The following EGR3 variants were observed in gnomAD, a reference collection of about 807,000 sequenced individuals.
EGR3 encodes the protein early growth response 3.
A neutral mutation model predicts 22.4 loss-of-function variants in EGR3; 4 were observed. The ratio of observed to expected loss-of-function variants is 0.18; its 90% CI spans 0.09 to 0.41. EGR3 has a LOEUF of 0.41. Ranked by LOEUF, EGR3 falls within the 10% of genes least tolerant of loss-of-function variation. EGR3 has a pLI of 1.00. For missense variants in EGR3, 315 were observed against 541.3 expected (o/e 0.58, Z 4.15); for synonymous variants, 219 against 226.8 (o/e 0.97, Z 0.31).
At position 22,691,165 on chromosome 8, in the gene EGR3, C is replaced by A; in HGVS notation, c.472G>T (p.Val158Leu). ...SNCGDLYSEP[V>L]SFHDPQGNPG... Reference sequence around the variant, plus strand: ...TTGCCCTGGGGGTCGTGGAAAGACACGGGCTCTGAGTAGAGGTCGCCGCAG... The same window carrying A: ...TTGCCCTGGGGGTCGTGGAAAGACAAGGGCTCTGAGTAGAGGTCGCCGCAG... The change falls in exon 2 of 2, where the codon GTG becomes TTG. Residue 158 changes from valine (V) to leucine (L), a missense_variant. Physicochemically the swap from Val to Leu is conservative, Grantham distance 32. Transcript: ENST00000317216. 1 of 1,614,040 alleles carries A rather than the reference C, an allele frequency of 6.2e-7. No individual in the cohort carries two copies. The highest frequency in any genetic ancestry group is 1.1e-5 in the South Asian group (1 of 91,082).
rs1217339553 is a variant in EGR3, at chr8:22,692,228, C to G, written c.154+563G>C. The G allele has an allele frequency of 1.4e-6, 2 of 1,449,502 alleles. No homozygotes were observed. The highest frequency in any genetic ancestry group is 2.8e-5 in the East Asian group (1 of 35,362). The allele number at this position is 1,449,502 out of a possible 1,614,324, so 89.8% of individuals were successfully genotyped here. On this transcript the variant is annotated intron_variant, in intron 1 of 1. Coordinates refer to ENST00000317216, the MANE Select transcript of EGR3 (RefSeq NM_004430.3). This position sits in a 1 kb window ranked among gnomAD's most constrained non-coding sequence, Gnocchi z 6.2. ...GGCAGGCCCTCGCCCCGCGGGTGAA[C>G]CCCCTCCTTCTCCCCGCCGTCCCCA...
chr8:22,690,980 C>T lies in EGR3; in HGVS notation c.657G>A (p.Arg219=). 6.4e-7 allele frequency: 1 copy of T among 1,569,836 alleles called. No homozygotes were observed. The highest frequency in any genetic ancestry group is 8.7e-7 in the Non-Finnish European group (1 of 1,154,970). The part of the protein sequence containing the change: ...HKPFQGMDPI[R]VNPPPITPLE... The stretch of plus-strand genomic sequence containing the variant: ...GAGGGGTAATAGGGGGCGGGTTGAC[C>T]CGGATGGGGTCCATGCCCTGGAAGG... The change falls in exon 2 of 2, where the codon CGG becomes CGA. Residue 219 remains arginine, a synonymous_variant. Transcript: ENST00000317216.
At position 22,690,934 on chromosome 8, in the gene EGR3, T is replaced by G; in HGVS notation, c.703A>C (p.Lys235Gln). 6.4e-7 allele frequency: 1 copy of G among 1,567,130 alleles called. No homozygotes were observed. Among genetic ancestry groups the G allele is most frequent in the Non-Finnish European group, 8.7e-7 (1 of 1,154,464 alleles). Residue 235 changes from lysine (K) to glutamine (Q), a missense_variant, in exon 2 of 2, where the codon AAA becomes CAA. Lys to Gln is a moderately conservative substitution (Grantham distance 53, BLOSUM62 1). Coordinates refer to ENST00000317216, the MANE Select transcript of EGR3 (RefSeq NM_004430.3). ...ITPLETIKAF[K>Q]DKQIHPGFGS... ...AAGCCCGGGTGGATCTGCTTGTCTT[T>G]GAATGCCTTGATGGTCTCCAGAGGG...
At position 22,693,412 on chromosome 8, in the gene EGR3, G is replaced by A; in HGVS notation, c.-468C>T. On this transcript the variant is annotated 5_prime_UTR_variant, in exon 1 of 2. Transcript: ENST00000317216. ...CGCCGCCGCCGCCTCTGCCGCCGCT[G>A]CCGCCGCTGCTACCACCACCACCAG... The A allele has an allele frequency of 6.0e-6, 1 of 166,848 alleles. No individual in the cohort carries two copies. The highest frequency in any genetic ancestry group is 1.2e-5 in the Non-Finnish European group (1 of 81,496). 10.3% of individuals were successfully genotyped at this position (166,848 alleles called of 1,614,324 possible). A position where few individuals can be genotyped will look rare whatever the true frequency, so the allele number is the denominator to read the frequency against.
In EGR3 at chr8:22,692,173, C is replaced by T; in HGVS notation, c.154+618G>A. The T allele has an allele frequency of 1.4e-6, 2 of 1,380,094 alleles. No individual in the cohort carries two copies. Among genetic ancestry groups the T allele is most frequent in the Non-Finnish European group, 1.9e-6 (2 of 1,071,524 alleles). 85.5% of individuals were successfully genotyped at this position (1,380,094 alleles called of 1,614,324 possible). On this transcript the variant is annotated intron_variant, in intron 1 of 1. Coordinates refer to ENST00000317216, the MANE Select transcript of EGR3 (RefSeq NM_004430.3). This position sits in a 1 kb window ranked among gnomAD's most constrained non-coding sequence, Gnocchi z 6.2. ...CATGGCGGGAGAGGCCGCCCTTCCC[C>T]AGCTCCCCGGCCCCGGGATCGTTCC...
chr8:22,691,663 G>C (rs1803964819), intron 1 of EGR3, 181 bp from the exon 2 acceptor site: 2 of 977,520 alleles, frequency 2.0e-6, no homozygotes, highest in South Asian at 9.5e-5. Flanking sequence ...GCGCAACCTG[G>C]ATATAGCAAA....
In EGR3 at chr8:22,693,271, C is replaced by T. The variant is rs1440930221; in HGVS notation, c.-327G>A. On this transcript the variant is annotated 5_prime_UTR_variant, in exon 1 of 2. Transcript: ENST00000317216. ...GCTGGGCTGGGGGGGGATCTCGGCT[C>T]AAGGGGGTCGGACGCGGCCTCAGTA... 1 of 166,002 alleles carries T rather than the reference C, an allele frequency of 6.0e-6. No individual in the cohort carries two copies. The highest frequency in any genetic ancestry group is 2.7e-5 in the African/African-American group (1 of 37,500). The allele number at this position is 166,002 out of a possible 1,614,324, so 10.3% of individuals were successfully genotyped here. A position where few individuals can be genotyped will look rare whatever the true frequency, so the allele number is the denominator to read the frequency against.
intron 1 of EGR3, 90 bp from the exon 2 acceptor site, chr8:22,691,572 G>T: frequency 7.2e-6 from 11 of 1,526,152 alleles, no homozygotes; most frequent in Non-Finnish European, 9.7e-6. Flanking sequence ...GGTGCGGAGG[G>T]TGCGGCCGGG....
At chr8:22,691,867 C>A (rs2128745120) in intron 1 of EGR3, 1 of 985,430 alleles carries the variant, frequency 1.0e-6, no homozygotes, top group Non-Finnish European at 1.2e-6. Flanking sequence ...CCACCGCACA[C>A]AACTCGGCCT....
chr8:22,691,843 T>G, intron 1 of EGR3: 1 of 985,378 alleles, frequency 1.0e-6, no homozygotes, highest in Non-Finnish European at 1.2e-6. Context: ...CGGAGCGCGC[T>G]GGGCTCTCGC....
chr8:22,692,662 T>TATCCACCCATCCACCCATCCATCCATCC lies in EGR3; in HGVS notation c.154+101_154+128dup. 6.9e-7 allele frequency: 1 copy of TATCCACCCATCCACCCATCCATCCATCC among 1,439,776 alleles called. No homozygotes were observed. The highest frequency in any genetic ancestry group is 2.2e-5 in the Admixed American group (1 of 45,098). 89.2% of individuals were successfully genotyped at this position (1,439,776 alleles called of 1,614,324 possible). On this transcript the variant is annotated intron_variant, in intron 1 of 1. Coordinates refer to ENST00000317216, the MANE Select transcript of EGR3 (RefSeq NM_004430.3). This position sits in a 1 kb window ranked among gnomAD's most constrained non-coding sequence, Gnocchi z 6.2. ...GCCCCCATCTCTCCATCCATTTATCTATCCACCCATCCACCCATCCATCCA... is the reference window on the plus strand; with the variant it reads ...GCCCCCATCTCTCCATCCATTTATCTATCCACCCATCCACCCATCCATCCATCCATCCACCCATCCACCCATCCATCCA...
In EGR3 at chr8:22,692,367, G is replaced by T; in HGVS notation, c.154+424C>A. On this transcript the variant is annotated intron_variant, in intron 1 of 1. Coordinates refer to ENST00000317216, the MANE Select transcript of EGR3 (RefSeq NM_004430.3). This position sits in a 1 kb window ranked among gnomAD's most constrained non-coding sequence, Gnocchi z 6.2. ...CCCGGGTGGGAGGCTGAGGGAGTAA[G>T]GGGGGAGAGCGCGGGTGAAAAAGAC... 6.8e-7 allele frequency: 1 copy of T among 1,476,978 alleles called. No homozygotes were observed. The highest frequency in any genetic ancestry group is 8.9e-7 in the Non-Finnish European group (1 of 1,119,360). The allele number at this position is 1,476,978 out of a possible 1,614,324, so 91.5% of individuals were successfully genotyped here.
At position 22,691,040 on chromosome 8, in the gene EGR3, G is replaced by A. The variant is rs767717937; in HGVS notation, c.597C>T (p.His199=). 3.1e-6 allele frequency: 5 copies of A among 1,605,366 alleles called. No individual in the cohort carries two copies. The South Asian group carries it at 4.4e-5, about 14-fold the overall frequency. Residue 199 remains histidine, a synonymous_variant, in exon 2 of 2, where the codon CAC becomes CAT. Coordinates refer to ENST00000317216, the MANE Select transcript of EGR3 (RefSeq NM_004430.3). The part of the protein sequence containing the change: ...PMIPDYNLYH[H]PNDMGSIPEH... ...CCGGAATGGAGCCCATGTCGTTGGG[G>A]TGGTGGTAGAGGTTGTAGTCAGGAA...
chr8:22,692,234 CCTT>C lies in EGR3; in HGVS notation c.154+554_154+556del. 2 of 1,463,324 alleles carry C rather than the reference CCTT, an allele frequency of 1.4e-6. No individual in the cohort carries two copies. The highest frequency in any genetic ancestry group is 9.0e-7 in the Non-Finnish European group (1 of 1,113,792). The allele number at this position is 1,463,324 out of a possible 1,614,324, so 90.6% of individuals were successfully genotyped here. A position where few individuals can be genotyped will look rare whatever the true frequency, so the allele number is the denominator to read the frequency against. ...CCCTCGCCCCGCGGGTGAACCCCCT[CCTT>C]CTCCCCGCCGTCCCCACACCCCCAC... On this transcript the variant is annotated intron_variant, in intron 1 of 1. Coordinates refer to ENST00000317216, the MANE Select transcript of EGR3 (RefSeq NM_004430.3). This position sits in a 1 kb window ranked among gnomAD's most constrained non-coding sequence, Gnocchi z 6.2.
rs975579769 is a variant in EGR3 at position 22,689,953 on chromosome 8, A to G, written c.*520T>C. 3.7e-5 allele frequency: 6 copies of G among 162,600 alleles called. No individual in the cohort carries two copies. Among genetic ancestry groups the G allele is most frequent in the Non-Finnish European group, 5.4e-5 (4 of 74,680 alleles). 10.1% of individuals were successfully genotyped at this position (162,600 alleles called of 1,614,324 possible). ...CACACTCACACACACACATACACAC[A>G]CACGCGAGCACGCACACACTCGCGC... On this transcript the variant is annotated 3_prime_UTR_variant, in exon 2 of 2. Transcript: ENST00000317216.
rs746563709 is a variant in EGR3 at position 22,690,945 on chromosome 8, A to G, written c.692T>C (p.Ile231Thr). The G allele has an allele frequency of 6.4e-7, 1 of 1,566,662 alleles. No homozygotes were observed. Residue 231 changes from isoleucine (I) to threonine (T), a missense_variant, in exon 2 of 2, where the codon ATC becomes ACC. By Grantham distance (89) the Ile-to-Thr change is moderately conservative. Around this residue, in one of 4 missense-constraint regions of EGR3, gnomAD observed 34 missense variants for 81.9 expected, o/e 0.42. Coordinates refer to ENST00000317216, the MANE Select transcript of EGR3 (RefSeq NM_004430.3). ...NPPPITPLETIKAFKDKQIHP... is the reference protein window; with the variant it reads ...NPPPITPLETTKAFKDKQIHP... ...GATCTGCTTGTCTTTGAATGCCTTG[A>G]TGGTCTCCAGAGGGGTAATAGGGGG...
rs1804009196 is a variant in EGR3 at position 22,692,618 on chromosome 8, C to A, written c.154+173G>T. The A allele has an allele frequency of 6.9e-7, 1 of 1,440,958 alleles. No individual in the cohort carries two copies. 89.3% of individuals were successfully genotyped at this position (1,440,958 alleles called of 1,614,324 possible). On this transcript the variant is annotated intron_variant, in intron 1 of 1. Coordinates refer to ENST00000317216, the MANE Select transcript of EGR3 (RefSeq NM_004430.3). The surrounding 1 kb of genome is among the most constrained non-coding windows in gnomAD (Gnocchi z 6.2). Reference sequence around the variant, plus strand: ...AGTGGGTGGGAAAAGCAACTCGCCCCCCGCAAAATTCCCAGCGCGCCCCCA... The same window carrying A: ...AGTGGGTGGGAAAAGCAACTCGCCCACCGCAAAATTCCCAGCGCGCCCCCA...
In EGR3 at chr8:22,688,592, A is replaced by G. The variant is rs994358350; in HGVS notation, c.*1881T>C. On this transcript the variant is annotated 3_prime_UTR_variant, in exon 2 of 2. Transcript: ENST00000317216. The stretch of plus-strand genomic sequence containing the variant: ...CCACCAAAAATCAAAACAAAACAAA[A>G]CAAAAATGGTACTTCTTTTTCTTAA... The G allele has an allele frequency of 3.3e-5, 5 of 152,576 alleles. No individual in the cohort carries two copies. Among genetic ancestry groups the G allele is most frequent in the African/African-American group, 1.2e-4 (5 of 41,438 alleles). The allele number at this position is 152,576 out of a possible 1,614,324, so 9.5% of individuals were successfully genotyped here.
chr8:22,690,421 T>TAGCA lies in EGR3; in HGVS notation c.*48_*51dup. 1 of 1,469,582 alleles carries TAGCA rather than the reference T, an allele frequency of 6.8e-7. No homozygotes were observed. Among genetic ancestry groups the TAGCA allele is most frequent in the Non-Finnish European group, 9.2e-7 (1 of 1,084,326 alleles). 91.0% of individuals were successfully genotyped at this position (1,469,582 alleles called of 1,614,324 possible). On this transcript the variant is annotated 3_prime_UTR_variant, in exon 2 of 2. Transcript: ENST00000317216. ...GCTGGCTTTCCCGCTGCTTTCAGGC[T>TAGCA]AGCAGCCGGGAGGCACTGGAGGGGA...
Sources: allele counts gnomAD v4.1 joint callset, GRCh38; gene constraint gnomAD v4.1.1; regional missense constraint gnomAD v4.1.1; non-coding constraint Gnocchi (gnomAD v3.1); transcripts MANE v1.5; gene names NCBI Gene and HGNC (gene_info 2026-07-23, HGNC 2026-07-21).